The following SLC36A1 variants were observed in gnomAD, a reference collection of about 807,000 sequenced individuals.
The protein encoded by SLC36A1 is solute carrier family 36 member 1, also known as proton-coupled amino acid transporter 1.
A neutral mutation model predicts 47.5 loss-of-function variants in SLC36A1; 30 were observed. The ratio of observed to expected loss-of-function variants is 0.63; its 90% CI spans 0.47 to 0.86. The LOEUF (loss-of-function observed/expected upper bound fraction) is 0.86. SLC36A1 is among the 40% of genes least tolerant of loss of function. SLC36A1 has a pLI of 0.00. For missense variants in SLC36A1, 517 were observed against 606.0 expected, an observed-to-expected ratio of 0.85 and a Z score of 1.54; for synonymous variants, 255 against 249.7, an observed-to-expected ratio of 1.02 and a Z score of -0.20.
the SLC36A1 span, among the ~76,000 whole-genome samples, chr5:151,523,899 C>T: frequency 4.6e-5 from 7 of 152,278 alleles, no homozygotes; most frequent in East Asian, 7.7e-4. Context: ...GCACTACCAC[C>T]GAAGTCTTCA....
chr5:151,463,777 A>T (rs1208802578), intron 3 of SLC36A1, 134 bp downstream of exon 3: 1 of 697,778 alleles, frequency 1.4e-6, no homozygotes, highest in Admixed American at 2.4e-5. Flanking sequence ...CAAAAAGCGG[A>T]ATTCAGACAT....
chr5:151,381,644 C>G, the SLC36A1 span, among the ~76,000 whole-genome samples: 2 of 152,148 alleles, frequency 1.3e-5, no homozygotes, highest in African/African-American at 4.8e-5. Context: ...GGGCCCTGCA[C>G]TTGACAGATC....
chr5:151,471,985 C>G (rs990787645), intron 7 of SLC36A1, among the ~76,000 whole-genome samples: 2 of 152,202 alleles, frequency 1.3e-5, no homozygotes, highest in Admixed American at 1.3e-4. Flanking sequence ...AATCCCTCCT[C>G]CCCACCCTGC....
chr5:151,525,758 C>G, the SLC36A1 span: 4 of 1,614,102 alleles, frequency 2.5e-6, no homozygotes, highest in Non-Finnish European at 3.4e-6. Context: ...AAGCCTAGCA[C>G]AGCTCTCACC....
the SLC36A1 span, among the ~76,000 whole-genome samples, chr5:151,371,658 C>G: frequency 6.6e-6 from 1 of 152,044 alleles, no homozygotes; most frequent in African/African-American, 2.4e-5. Context: ...TTTGGAAAAG[C>G]AAATTTTAGA....
intron 10 of SLC36A1, among the ~76,000 whole-genome samples, chr5:151,483,518 G>GGGC (rs1759107074): frequency 5.1e-5 from 7 of 138,066 alleles, no homozygotes; most frequent in African/African-American, 9.0e-5. Flanking sequence ...TTGTGTGTGT[G>GGGC]GGGGGGGTGA....
rs997345391 is a variant in SLC36A1, at chr5:151,463,562, G to A, written c.153G>A (p.Gln51=). ...CTGTCTTCCACTTCAGATGGTTCCA[G>A]ACCTTGATCCACCTGTTAAAAGGCA... is the stretch of plus-strand genomic sequence containing the variant. ...FGQSNSTTWF[Q]TLIHLLKGNI... Residue 51 remains glutamine (Q), a synonymous_variant, in exon 3 of 11, where the codon CAG becomes CAA. Coordinates refer to ENST00000243389, the MANE Select transcript of SLC36A1 (RefSeq NM_078483.4). 1 of 1,613,968 alleles carries A rather than the reference G, an allele frequency of 6.2e-7. No individual in the cohort carries two copies. Among genetic ancestry groups the A allele is most frequent in the East Asian group, 2.2e-5 (1 of 44,886 alleles).
At chr5:151,486,073 G>T (rs1296093256) in intron 10 of SLC36A1, among the ~76,000 whole-genome samples, 1 of 152,226 alleles carries the variant, frequency 6.6e-6, no homozygotes, top group African/African-American at 2.4e-5. Context: ...ATAAAGAAAA[G>T]AGGTTTATTT....
At chr5:151,477,824 T>A (rs2127528217) in intron 9 of SLC36A1, among the ~76,000 whole-genome samples, 1 of 152,306 alleles carries the variant, frequency 6.6e-6, no homozygotes, top group East Asian at 1.9e-4. Context: ...CCCTGGAAGA[T>A]AAATGGATCG....
chr5:151,453,320 A>G (rs535909901), intron 1 of SLC36A1, among the ~76,000 whole-genome samples: 27 of 152,272 alleles, frequency 1.8e-4, no homozygotes, highest in African/African-American at 6.0e-4. Context: ...ATTTAACCCA[A>G]TATATCCCAG....
At chr5:151,467,664 T>A (rs1299339739) in intron 6 of SLC36A1, 43 bp from the exon 7 acceptor site, 1 of 1,529,230 alleles carries the variant, frequency 6.5e-7, no homozygotes, top group Non-Finnish European at 9.1e-7. Flanking sequence ...CGGCCTCTGT[T>A]GTTTGAGAGG....
chr5:151,471,325 G>GT (rs1367937911), intron 7 of SLC36A1, among the ~76,000 whole-genome samples: 1 of 152,184 alleles, frequency 6.6e-6, no homozygotes, highest in African/African-American at 2.4e-5. Flanking sequence ...TAACATGTAT[G>GT]TTTCTTTATA....
intron 7 of SLC36A1, among the ~76,000 whole-genome samples, chr5:151,472,231 G>A (rs911359986): frequency 1.3e-5 from 2 of 152,276 alleles, no homozygotes; most frequent in Non-Finnish European, 1.5e-5. Context: ...CTCGAGGTCT[G>A]ATGTTCAAGG....
chr5:151,492,763 A>G (rs561497282), downstream of SLC36A1, among the ~76,000 whole-genome samples: 1 of 152,362 alleles, frequency 6.6e-6, no homozygotes, highest in East Asian at 1.9e-4. Flanking sequence ...GTTAACATCT[A>G]TAATCAGTTG....
chr5:151,530,327 A>G, the SLC36A1 span, among the ~76,000 whole-genome samples: 1 of 151,922 alleles, frequency 6.6e-6, no homozygotes, highest in East Asian at 1.9e-4. Context: ...TCTGTGAGGC[A>G]CTGTGTTGAT....
chr5:151,458,261 T>TAC (rs1321138384), intron 1 of SLC36A1, among the ~76,000 whole-genome samples: 63 of 150,544 alleles, frequency 4.2e-4, no homozygotes, highest in African/African-American at 1.5e-3. Flanking sequence ...TATATATATA[T>TAC]ACGTGTGTAT....
the SLC36A1 span, among the ~76,000 whole-genome samples, chr5:151,390,784 G>A: frequency 2.6e-5 from 4 of 152,216 alleles, no homozygotes; most frequent in Non-Finnish European, 5.9e-5. Context: ...TTTGCTACCA[G>A]TACCATGTTG....
At chr5:151,494,818 T>G (rs1760292032), downstream of SLC36A1, among the ~76,000 whole-genome samples, 1 of 152,230 alleles carries the variant, frequency 6.6e-6, no homozygotes, top group Non-Finnish European at 1.5e-5. Context: ...TAAAACTCAC[T>G]TCTAACTGCT....
chr5:151,354,952 C>T, the SLC36A1 span, among the ~76,000 whole-genome samples: 2 of 152,078 alleles, frequency 1.3e-5, no homozygotes, highest in Non-Finnish European at 2.9e-5. Flanking sequence ...AGATGTTCAC[C>T]ATAGCGGGGA....
Sources: allele counts gnomAD v4.1 joint callset (sites outside exome capture counted in the v4.1 genomes callset), GRCh38; gene constraint gnomAD v4.1.1; transcripts MANE v1.5; gene names NCBI Gene and HGNC (gene_info 2026-07-23, HGNC 2026-07-21).